Variants in COG5 observed in about 807,000 individuals in gnomAD.
COG5 encodes conserved oligomeric Golgi complex subunit 5.
Under a neutral mutation model 110.4 loss-of-function variants are expected in COG5, and 86 were observed. That is an observed-to-expected ratio of 0.78 (90% CI 0.65 to 0.93). The LOEUF is 0.93. Ranked by LOEUF, COG5 falls within the 40% of genes least tolerant of loss-of-function variation. COG5 has a pLI of 0.00. For synonymous variants in COG5, 360 were observed against 334.6 expected (o/e 1.08, Z -0.83); for missense variants, 1,077 against 987.0 (o/e 1.09, Z -1.22).
intron 6 of COG5, among the ~76,000 whole-genome samples, chr7:107,505,492 C>G (rs1001110170): frequency 1.3e-5 from 2 of 152,132 alleles, no homozygotes; most frequent in African/African-American, 4.8e-5. Context: ...ATGCAGTCAC[C>G]CTGAAGTGTT....
At chr7:107,446,018 A>G (rs1279075942) in intron 6 of COG5, among the ~76,000 whole-genome samples, 2 of 152,188 alleles carry the variant, frequency 1.3e-5, no homozygotes, top group Non-Finnish European at 2.9e-5. Flanking sequence ...CAAAAAAGGC[A>G]CCACTCAGCA....
At chr7:107,207,851 T>C in intron 21 of COG5, 3 of 985,418 alleles carry the variant, frequency 3.0e-6, no homozygotes, top group Non-Finnish European at 3.6e-6. Flanking sequence ...GGCAGGATGG[T>C]TCACTATTTC....
intron 11 of COG5, among the ~76,000 whole-genome samples, chr7:107,315,380 T>C (rs191892843): frequency 5.9e-5 from 9 of 152,270 alleles, no homozygotes; most frequent in South Asian, 2.1e-4. Context: ...ATTACAGATA[T>C]ATAACCATGT....
In COG5 at chr7:107,211,081, C is replaced by G. The variant is rs748577968; in HGVS notation, c.2295+18G>C. On this transcript the variant is annotated intron_variant, in intron 20 of 21. Coordinates refer to ENST00000297135, the MANE Select transcript of COG5 (RefSeq NM_006348.5). Reference sequence around the variant, plus strand: ...GGGAAGAGTCACAAAAGGGTTCTGGCTTGACTTTATTTATTACCTGGAAAG... The same window carrying G: ...GGGAAGAGTCACAAAAGGGTTCTGGGTTGACTTTATTTATTACCTGGAAAG... The G allele has an allele frequency of 6.2e-6, 10 of 1,613,672 alleles. No individual in the cohort carries two copies. Among genetic ancestry groups the G allele is most frequent in the Non-Finnish European group, 8.5e-6 (10 of 1,179,854 alleles).
intron 3 of COG5, among the ~76,000 whole-genome samples, chr7:107,548,544 G>A (rs980113850): frequency 1.3e-5 from 2 of 152,188 alleles, no homozygotes; most frequent in African/African-American, 4.8e-5. Context: ...AAGCCTGACA[G>A]GGAATGGGAA....
At chr7:107,376,519 A>AT (rs899925839) in intron 7 of COG5, among the ~76,000 whole-genome samples, 4 of 151,774 alleles carry the variant, frequency 2.6e-5, no homozygotes, top group African/African-American at 9.7e-5. Context: ...TATTTCTATT[A>AT]TTTTTTGATA....
chr7:107,212,787 C>T (rs902661402), intron 19 of COG5, among the ~76,000 whole-genome samples: 2 of 152,216 alleles, frequency 1.3e-5, no homozygotes, highest in African/African-American at 4.8e-5. Flanking sequence ...ACATGGAACA[C>T]AGAACCATAT....
chr7:107,234,510 A>T (rs965950401), intron 18 of COG5, among the ~76,000 whole-genome samples: 1 of 152,220 alleles, frequency 6.6e-6, no homozygotes, highest in Non-Finnish European at 1.5e-5. Context: ...TCCATCTTTC[A>T]GGACCCATAA....
intron 19 of COG5, among the ~76,000 whole-genome samples, chr7:107,230,013 G>C (rs1342640341): frequency 6.6e-6 from 1 of 151,726 alleles, no homozygotes. Flanking sequence ...ACCATGCCCA[G>C]CTAATTTTTG....
intron 7 of COG5, among the ~76,000 whole-genome samples, chr7:107,385,142 T>C (rs1186888760): frequency 6.6e-6 from 1 of 152,176 alleles, no homozygotes; most frequent in Non-Finnish European, 1.5e-5. Flanking sequence ...AAAAAGGCCA[T>C]GTGACAACAG....
At chr7:107,256,333 G>C (rs1802877776) in intron 16 of COG5, among the ~76,000 whole-genome samples, 1 of 152,110 alleles carries the variant, frequency 6.6e-6, no homozygotes, top group South Asian at 2.1e-4. Context: ...CTACTCACTA[G>C]ATGCCAGTAG....
At chr7:107,429,163 G>A (rs567460561) in intron 6 of COG5, among the ~76,000 whole-genome samples, 1 of 152,246 alleles carries the variant, frequency 6.6e-6, no homozygotes, top group Non-Finnish European at 1.5e-5. Context: ...TATTTTAGCT[G>A]TCCCTTACTA....
intron 6 of COG5, among the ~76,000 whole-genome samples, chr7:107,444,397 T>A (rs1269311756): frequency 6.6e-6 from 1 of 152,232 alleles, no homozygotes. Flanking sequence ...AGTAAAAAGT[T>A]AGCCATGAAA....
chr7:107,389,520 C>T (rs996770606), intron 7 of COG5, among the ~76,000 whole-genome samples: 2 of 152,202 alleles, frequency 1.3e-5, no homozygotes, highest in African/African-American at 2.4e-5. Context: ...CAATCAATGC[C>T]GCTTTCCCAA....
intron 6 of COG5, among the ~76,000 whole-genome samples, chr7:107,509,735 A>G (rs528451693): frequency 1.0e-3 from 156 of 152,282 alleles, no homozygotes; most frequent in African/African-American, 3.5e-3. Flanking sequence ...GAGAGTGGGG[A>G]CCAATATTCA....
rs1288853165 is a variant in COG5 at position 107,218,401 on chromosome 7, A to G, written c.2169-7176T>C. Among the ~76,000 whole-genome samples, 4 of 152,128 alleles carry G rather than the reference A, an allele frequency of 2.6e-5. No individual in the cohort carries two copies. The East Asian group carries it at 5.8e-4, about 22-fold the overall frequency. The stretch of plus-strand genomic sequence containing the variant: ...AAATCCCTGATTAGCTAAGGCAATC[A>G]TAAGTAAAAATAACAAAGCTGGAGG... On this transcript the variant is annotated intron_variant, in intron 19 of 21. Transcript: ENST00000297135.
intron 6 of COG5, among the ~76,000 whole-genome samples, chr7:107,496,698 A>G (rs116091068): frequency 0.015 from 2,258 of 151,832 alleles, 57 homozygotes; most frequent in African/African-American, 0.053. Context: ...AACAATCAAT[A>G]TAATATACCA....
At chr7:107,344,055 T>A (rs1360804500) in intron 10 of COG5, among the ~76,000 whole-genome samples, 1 of 152,162 alleles carries the variant, frequency 6.6e-6, no homozygotes, top group East Asian at 1.9e-4. Context: ...GGTTTCCACT[T>A]AATGTTACCA....
At chr7:107,352,446 A>T (rs1054718303) in intron 10 of COG5, among the ~76,000 whole-genome samples, 3 of 151,386 alleles carry the variant, frequency 2.0e-5, no homozygotes, top group Non-Finnish European at 4.4e-5. Context: ...GTACCCTAAA[A>T]CTTAAAGTAT....
Sources: gnomAD v4.1 joint callset for allele counts (sites outside exome capture counted in the v4.1 genomes callset) on GRCh38, gnomAD v4.1.1 for gene constraint, MANE v1.5 for transcripts, NCBI Gene and HGNC (gene_info 2026-07-23, HGNC 2026-07-21) for gene names.